B4GALT6: variants seen among roughly 807,000 people sequenced by gnomAD.
The protein encoded by B4GALT6 is beta-1,4-galactosyltransferase 6.
In B4GALT6, 14 loss-of-function variants were observed where a neutral mutation model predicts 46.3. The observed-to-expected ratio is 0.30, with a 90% CI of 0.20 to 0.47. B4GALT6 has a LOEUF of 0.47. Ranked by LOEUF, B4GALT6 falls within the 20% of genes least tolerant of loss-of-function variation. B4GALT6 has a pLI of 0.99. For synonymous variants in B4GALT6, 168 were observed against 162.0 expected (o/e 1.04, Z -0.28); for missense variants, 386 against 480.1 (o/e 0.80, Z 1.83).
rs889666704 is a variant in B4GALT6 at position 31,628,424 on chromosome 18, T to C, written c.777-1303A>G. Among the ~76,000 whole-genome samples the C allele has an allele frequency of 5.9e-5, 9 of 152,196 alleles. 1 individual carries two copies. The highest frequency in any genetic ancestry group is 1.0e-4 in the Non-Finnish European group (7 of 68,044). ...ATGAATAAATGTGTCTGTGTGCTTA[T>C]TGACATGTATAAATCAGCAAGCCTA... On this transcript the variant is annotated intron_variant, in intron 6 of 8. Coordinates refer to ENST00000306851, the MANE Select transcript of B4GALT6 (RefSeq NM_004775.5).
chr18:31,643,174 A>G (rs1335403148), intron 4 of B4GALT6, among the ~76,000 whole-genome samples: 1 of 152,254 alleles, frequency 6.6e-6, no homozygotes, highest in African/African-American at 2.4e-5. Context: ...ATATGAGTAC[A>G]GCTCACTTCT....
the B4GALT6 span, among the ~76,000 whole-genome samples, chr18:31,695,546 GGAA>G: frequency 6.6e-6 from 1 of 152,004 alleles, no homozygotes; most frequent in Non-Finnish European, 1.5e-5. Context: ...ATGCGGGAAG[GGAA>G]GAAGTTTTCA....
Position 31,684,346 on chromosome 18 carries a change from G to T in B4GALT6, c.81C>A (p.Ser27=). ...GGGCCACATAGATGAAGTACAGACA[G>T]GACGAAGAGAGGGAGAAGAAGAAGA... is the stretch of plus-strand genomic sequence containing the variant. ...AFIFFFSLSS[S]CLYFIYVAPG... is the part of the protein sequence containing the mutation. Residue 27 remains serine (S), a synonymous_variant, in exon 1 of 9, where the codon TCC becomes TCA. Transcript: ENST00000306851. The T allele has an allele frequency of 6.2e-7, 1 of 1,613,828 alleles. No homozygotes were observed.
In B4GALT6 at chr18:31,636,277, C is replaced by T. The variant is rs190974110; in HGVS notation, c.588+2367G>A. Among the ~76,000 whole-genome samples, 403 of 152,284 alleles carry T rather than the reference C, an allele frequency of 2.6e-3. 1 individual carries two copies. The highest frequency in any genetic ancestry group is 9.3e-3 in the African/African-American group (388 of 41,562). On this transcript the variant is annotated intron_variant, in intron 5 of 8. Transcript: ENST00000306851. ...CAAGCTATAAAAACAAAAATCAATA[C>T]ATTGGACTTCATCAAAATTTAAAAC...
chr18:31,629,447 A>ATTTTTTTTTT lies in B4GALT6; in HGVS notation c.776+1502_776+1511dup, dbSNP rs869030382. Among the ~76,000 whole-genome samples the ATTTTTTTTTT allele has an allele frequency of 2.3e-3, 75 of 32,888 alleles. 18 individuals carry two copies. The highest frequency in any genetic ancestry group is 7.8e-3 in the Admixed American group (14 of 1,804). The allele number at this position is 32,888 out of a possible 152,430, so 21.6% of individuals were successfully genotyped here. A position where few individuals can be genotyped will look rare whatever the true frequency, so the allele number is the denominator to read the frequency against. On this transcript the variant is annotated intron_variant, in intron 6 of 8. Coordinates refer to ENST00000306851, the MANE Select transcript of B4GALT6 (RefSeq NM_004775.5). Reference sequence around the variant, plus strand: ...ATTCTTAGTTTATATGCCCTTTATGATTTTTTTTTTTTTTTTTTTTTTTTT... The same window carrying ATTTTTTTTTT: ...ATTCTTAGTTTATATGCCCTTTATGATTTTTTTTTTTTTTTTTTTTTTTTTTTTTTTTTTT...
intron 5 of B4GALT6, among the ~76,000 whole-genome samples, chr18:31,634,534 T>G (rs1334170785): frequency 6.6e-6 from 1 of 152,198 alleles, no homozygotes; most frequent in Non-Finnish European, 1.5e-5. Flanking sequence ...TCCATCTGCT[T>G]CCTGACTTAA....
At chr18:31,709,931 T>C in the B4GALT6 span, among the ~76,000 whole-genome samples, 9 of 151,678 alleles carry the variant, frequency 5.9e-5, no homozygotes, top group Non-Finnish European at 8.8e-5. Flanking sequence ...CCATCTCTAC[T>C]ATAAATACAA....
chr18:31,698,132 A>C, the B4GALT6 span, among the ~76,000 whole-genome samples: 1 of 151,910 alleles, frequency 6.6e-6, no homozygotes, highest in Non-Finnish European at 1.5e-5. Context: ...CTTCTCTTTT[A>C]ATTTTCCATC....
chr18:31,684,460 T>C lies in B4GALT6; in HGVS notation c.-34A>G. 1 of 1,606,934 alleles carries C rather than the reference T, an allele frequency of 6.2e-7. No homozygotes were observed. The highest frequency in any genetic ancestry group is 1.7e-5 in the Admixed American group (1 of 58,958). On this transcript the variant is annotated 5_prime_UTR_variant, in exon 1 of 9. Coordinates refer to ENST00000306851, the MANE Select transcript of B4GALT6 (RefSeq NM_004775.5). Reference sequence around the variant, plus strand: ...TCCCTGCCAGCAGCCCAGGCTGCGCTCTCAGGCCGGACTCGGGGCCACTGT... The same window carrying C: ...TCCCTGCCAGCAGCCCAGGCTGCGCCCTCAGGCCGGACTCGGGGCCACTGT...
intron 6 of B4GALT6, among the ~76,000 whole-genome samples, 170 bp downstream of exon 6, chr18:31,630,789 C>T (rs563949348): frequency 4.6e-5 from 7 of 152,202 alleles, no homozygotes; most frequent in South Asian, 2.1e-4. Context: ...CCCAGGGGAA[C>T]GAAAAGCCAC....
At chr18:31,644,315 G>C (rs901131909) in intron 4 of B4GALT6, among the ~76,000 whole-genome samples, 3 of 152,164 alleles carry the variant, frequency 2.0e-5, no homozygotes, top group Admixed American at 6.5e-5. Flanking sequence ...AAGACAATGT[G>C]CTCTGTGTTG....
chr18:31,684,251 A>T (rs765349359), intron 1 of B4GALT6, 61 bp downstream of exon 1: 1 of 1,606,752 alleles, frequency 6.2e-7, no homozygotes, highest in East Asian at 2.2e-5. Context: ...GTAACATCGG[A>T]TAACAGCCTG....
chr18:31,666,272 A>G lies in B4GALT6; in HGVS notation c.216T>C (p.Ser72=), dbSNP rs985437253. The change falls in exon 2 of 9, where the codon AGT becomes AGC. Residue 72 remains serine (S), a synonymous_variant. Coordinates refer to ENST00000306851, the MANE Select transcript of B4GALT6 (RefSeq NM_004775.5). ...TAGTCTTACCTGTACCGTTGAGCGT[A>G]CTGTTTTTATTTGTGTACAGCCTGA... ...HMIRLYTNKN[S]TLNGTDYPEG... is the part of the protein sequence containing the mutation. 6.3e-7 allele frequency: 1 copy of G among 1,596,260 alleles called. No homozygotes were observed. Among genetic ancestry groups the G allele is most frequent in the South Asian group, 1.1e-5 (1 of 87,962 alleles).
the B4GALT6 span, among the ~76,000 whole-genome samples, chr18:31,694,113 C>T: frequency 6.6e-6 from 1 of 152,202 alleles, no homozygotes; most frequent in Non-Finnish European, 1.5e-5. Context: ...CAAGGCAAGA[C>T]AGTAAGCATG....
At chr18:31,721,874 C>G in the B4GALT6 span, among the ~76,000 whole-genome samples, 6 of 152,072 alleles carry the variant, frequency 3.9e-5, no homozygotes, top group Admixed American at 2.0e-4. Flanking sequence ...CTCTCTCTCT[C>G]TCTCTCTGTG....
At chr18:31,661,531 C>T (rs1025471521) in intron 2 of B4GALT6, among the ~76,000 whole-genome samples, 2 of 151,724 alleles carry the variant, frequency 1.3e-5, no homozygotes, top group African/African-American at 2.4e-5. Context: ...AGCTAGTGTG[C>T]GCTCTCGCTC....
At chr18:31,685,265 G>T (rs1252008558), upstream of B4GALT6, among the ~76,000 whole-genome samples, 4 of 150,148 alleles carry the variant, frequency 2.7e-5, no homozygotes, top group African/African-American at 9.7e-5. Flanking sequence ...CGCCGGGCCC[G>T]CGGACACCAG....
intron 1 of B4GALT6, among the ~76,000 whole-genome samples, chr18:31,672,740 T>C (rs1016917998): frequency 6.6e-6 from 1 of 152,172 alleles, no homozygotes; most frequent in Non-Finnish European, 1.5e-5. Context: ...GATAAAGAAA[T>C]TGAAGCATGG....
At chr18:31,641,194 T>C (rs1227841244) in intron 4 of B4GALT6, among the ~76,000 whole-genome samples, 2 of 152,312 alleles carry the variant, frequency 1.3e-5, no homozygotes, top group South Asian at 2.1e-4. Flanking sequence ...GCTGAACATA[T>C]AAGGATAAAT....
Sources: allele counts gnomAD v4.1 joint callset (sites outside exome capture counted in the v4.1 genomes callset), GRCh38; gene constraint gnomAD v4.1.1; transcripts MANE v1.5; gene names NCBI Gene and HGNC (gene_info 2026-07-23, HGNC 2026-07-21).